EEFSEC: variants seen among roughly 807,000 people sequenced by gnomAD.
The protein encoded by EEFSEC is selenocysteine-specific elongation factor.
In EEFSEC, 43 loss-of-function variants were observed where a neutral mutation model predicts 42.1. That is an observed-to-expected ratio of 1.02 (90% confidence interval 0.80 to 1.32). The LOEUF (loss-of-function observed/expected upper bound fraction) is 1.32, where lower values mean the gene tolerates loss of function less well. Ranked by LOEUF, EEFSEC falls within the 40% of genes most tolerant of loss-of-function variation. EEFSEC has a pLI of 0.00. For missense variants in EEFSEC, 745 were observed against 803.6 expected (o/e 0.93, Z 0.88); for synonymous variants, 354 against 339.1 (o/e 1.04, Z -0.48).
rs78186077 is a variant in EEFSEC at position 128,352,125 on chromosome 3, A to G, written c.1444-6092A>G. Among the ~76,000 whole-genome samples the G allele has an allele frequency of 1.5e-3, 227 of 152,306 alleles. 6 individuals are homozygous for G. In the East Asian group the frequency reaches 0.042, roughly 28 times the overall value. ...ACCCAACCATCACACATGCATGCACACACCTTCTAGTGATGGACAGGACAG... is the reference window on the plus strand; with the variant it reads ...ACCCAACCATCACACATGCATGCACGCACCTTCTAGTGATGGACAGGACAG... On this transcript the variant is annotated intron_variant, in intron 5 of 6. Coordinates refer to ENST00000254730, the MANE Select transcript of EEFSEC (RefSeq NM_021937.5).
intron 4 of EEFSEC, among the ~76,000 whole-genome samples, chr3:128,302,286 A>C (rs1301280382): frequency 6.6e-6 from 1 of 152,168 alleles, no homozygotes; most frequent in African/African-American, 2.4e-5. Context: ...TTATAATATT[A>C]GTGTGCATTT....
intron 1 of EEFSEC, among the ~76,000 whole-genome samples, chr3:128,189,880 G>A (rs1276259512): frequency 6.6e-6 from 1 of 150,386 alleles, no homozygotes; most frequent in African/African-American, 2.4e-5. Flanking sequence ...GTCTTTTTTT[G>A]GAGATGGAGT....
chr3:128,225,777 C>T (rs1425118376), intron 1 of EEFSEC, among the ~76,000 whole-genome samples: 2 of 152,150 alleles, frequency 1.3e-5, no homozygotes, highest in East Asian at 3.9e-4. Flanking sequence ...TGGGGCAGGG[C>T]ATTGGAGCTG....
chr3:128,419,099 T>A, the EEFSEC span, among the ~76,000 whole-genome samples: 187 of 152,302 alleles, frequency 1.2e-3, 3 homozygotes, highest in African/African-American at 4.3e-3. Flanking sequence ...GGGAATTTGA[T>A]GCTATTAGGA....
chr3:128,182,394 T>A (rs1381007128), intron 1 of EEFSEC, among the ~76,000 whole-genome samples: 2 of 152,110 alleles, frequency 1.3e-5, no homozygotes, highest in Non-Finnish European at 2.9e-5. Context: ...TTAGGTTATA[T>A]ATGTACATGA....
At chr3:128,340,124 G>A (rs1374442504) in intron 4 of EEFSEC, among the ~76,000 whole-genome samples, 2 of 151,960 alleles carry the variant, frequency 1.3e-5, no homozygotes, top group African/African-American at 4.8e-5. Context: ...CTCCTGCCTC[G>A]GTGTATTCCC....
chr3:128,240,560 C>T (rs981417556), intron 1 of EEFSEC, among the ~76,000 whole-genome samples: 2 of 152,242 alleles, frequency 1.3e-5, no homozygotes, highest in Admixed American at 6.5e-5. Flanking sequence ...AGGCTGGACA[C>T]TGCTGGTTAG....
intron 1 of EEFSEC, among the ~76,000 whole-genome samples, chr3:128,238,914 G>A (rs959824024): frequency 6.6e-6 from 1 of 152,198 alleles, no homozygotes; most frequent in Non-Finnish European, 1.5e-5. Context: ...ACGTGGTATG[G>A]CATATCCTTT....
chr3:128,271,156 G>A (rs2066408641), intron 4 of EEFSEC, among the ~76,000 whole-genome samples: 1 of 152,178 alleles, frequency 6.6e-6, no homozygotes, highest in African/African-American at 2.4e-5. Flanking sequence ...GAGCTGGGCA[G>A]CCCCCCACTT....
chr3:128,273,894 G>T (rs946488715), intron 4 of EEFSEC, among the ~76,000 whole-genome samples: 1 of 152,174 alleles, frequency 6.6e-6, no homozygotes, highest in East Asian at 1.9e-4. Context: ...CAGTCTGGTC[G>T]TGCTTGGTGT....
At chr3:128,361,006 A>G (rs1211605749) in intron 6 of EEFSEC, among the ~76,000 whole-genome samples, 1 of 151,966 alleles carries the variant, frequency 6.6e-6, no homozygotes, top group Non-Finnish European at 1.5e-5. Flanking sequence ...TGCCAGGTGA[A>G]GGGAGAGAGA....
At chr3:128,371,048 T>C (rs1271640265) in intron 6 of EEFSEC, among the ~76,000 whole-genome samples, 1 of 152,214 alleles carries the variant, frequency 6.6e-6, no homozygotes, top group African/African-American at 2.4e-5. Flanking sequence ...AGTAGGACAT[T>C]GTTCTAAGTG....
chr3:128,201,916 G>T (rs1041896451), intron 1 of EEFSEC, among the ~76,000 whole-genome samples: 1 of 152,014 alleles, frequency 6.6e-6, no homozygotes, highest in Admixed American at 6.6e-5. Flanking sequence ...ATTTTTTTCC[G>T]TATGGCTATT....
intron 1 of EEFSEC, among the ~76,000 whole-genome samples, chr3:128,156,592 T>A (rs145972463): frequency 6.6e-6 from 1 of 152,262 alleles, no homozygotes; most frequent in African/African-American, 2.4e-5. Context: ...TAACAATATT[T>A]CAAACTTTTC....
intron 6 of EEFSEC, among the ~76,000 whole-genome samples, chr3:128,406,441 C>T (rs906719997): frequency 1.3e-5 from 2 of 152,096 alleles, no homozygotes; most frequent in African/African-American, 2.4e-5. Context: ...TCAGGAGATC[C>T]GCTGTGCAGA....
intron 6 of EEFSEC, among the ~76,000 whole-genome samples, chr3:128,384,190 G>A (rs2067810969): frequency 6.6e-6 from 1 of 152,184 alleles, no homozygotes; most frequent in South Asian, 2.1e-4. Context: ...CCTGGGGAGA[G>A]GTGTTCCAGG....
At position 128,316,733 on chromosome 3, in the gene EEFSEC, C is replaced by T. The variant is rs566464978; in HGVS notation, c.787-24500C>T. 2.6e-5 allele frequency among the ~76,000 whole-genome samples: 4 copies of T among 152,272 alleles called. No homozygotes were observed. In the East Asian group the frequency reaches 7.7e-4, roughly 29 times the overall value. Reference sequence around the variant, plus strand: ...TGAGCCAGCAGCGTGGGGTTACCGCCCAGCTCGGTGCCGCCAGCACCGTGA... The same window carrying T: ...TGAGCCAGCAGCGTGGGGTTACCGCTCAGCTCGGTGCCGCCAGCACCGTGA... On this transcript the variant is annotated intron_variant, in intron 4 of 6. Transcript: ENST00000254730.
chr3:128,153,492 A>AGGCGGCGGCGGCGGCATGGCAG lies in EEFSEC; in HGVS notation c.-7_15dup. 2 of 1,476,274 alleles carry AGGCGGCGGCGGCGGCATGGCAG rather than the reference A, an allele frequency of 1.4e-6. No individual in the cohort carries two copies. Among genetic ancestry groups the AGGCGGCGGCGGCGGCATGGCAG allele is most frequent in the South Asian group, 2.7e-5 (2 of 75,358 alleles). 91.4% of individuals were successfully genotyped at this position (1,476,274 alleles called of 1,614,324 possible). On this transcript the variant is annotated 5_prime_UTR_variant, in exon 1 of 7. In the 5' UTR this introduces an upstream ATG that the reference lacks. Coordinates refer to ENST00000254730, the MANE Select transcript of EEFSEC (RefSeq NM_021937.5). ...GAGGGGCGGGCCGGGCGGGTGTCCG[A>AGGCGGCGGCGGCGGCATGGCAG]GGCGGCGGCGGCGGCATGGCAGGGC...
intron 4 of EEFSEC, among the ~76,000 whole-genome samples, chr3:128,292,244 A>T (rs2066651610): frequency 6.6e-6 from 1 of 151,882 alleles, no homozygotes; most frequent in African/African-American, 2.4e-5. Context: ...TTTTTAATTC[A>T]TTTTGAATTT....
Sources: allele counts gnomAD v4.1 joint callset (sites outside exome capture counted in the v4.1 genomes callset), GRCh38; gene constraint gnomAD v4.1.1; transcripts MANE v1.5; gene names NCBI Gene and HGNC (gene_info 2026-07-23, HGNC 2026-07-21).